The following ACIN1 variants were observed in gnomAD, a reference collection of about 807,000 sequenced individuals.
ACIN1 encodes apoptotic chromatin condensation inducer 1, also known as apoptotic chromatin condensation inducer in the nucleus.
Under a neutral mutation model 146.6 loss-of-function variants are expected in ACIN1, and 16 were observed. The observed-to-expected ratio is 0.11, with a 90% CI of 0.07 to 0.17. The LOEUF is 0.17. ACIN1 is among the 10% of genes least tolerant of loss of function. The pLI is 1.00. For missense variants in ACIN1, 1,357 were observed against 1,609.3 expected (o/e 0.84, Z 2.68); for synonymous variants, 569 against 582.7 (o/e 0.98, Z 0.34).
chr14:23,088,254 A>C (rs2048137968), intron 4 of ACIN1, among the ~76,000 whole-genome samples: 1 of 152,200 alleles, frequency 6.6e-6, no homozygotes, highest in African/African-American at 2.4e-5. Context: ...CGCAGGGAGC[A>C]AAGTGGATCA....
In ACIN1 at chr14:23,068,896, G is replaced by C. The variant is rs1673062396; in HGVS notation, c.2265+580C>G. 1.0e-6 allele frequency: 1 copy of C among 985,338 alleles called. No individual in the cohort carries two copies. The highest frequency in any genetic ancestry group is 1.7e-5 in the African/African-American group (1 of 57,244). The allele number at this position is 985,338 out of a possible 1,614,324, so 61.0% of individuals were successfully genotyped here. On this transcript the variant is annotated intron_variant, in intron 9 of 18. Coordinates refer to ENST00000605057, the MANE Select transcript of ACIN1 (RefSeq NM_001386863.1). This position sits in a 1 kb window ranked among gnomAD's most constrained non-coding sequence, Gnocchi z 4.3. Reference sequence around the variant, plus strand: ...GCTCTGATGGGGGAAGCCCCCTGAAGTGGGTGCAGGACACAAGATAACATA... The same window carrying C: ...GCTCTGATGGGGGAAGCCCCCTGAACTGGGTGCAGGACACAAGATAACATA...
rs1386581695 is a variant in ACIN1, at chr14:23,068,619, T to C, written c.2265+857A>G. 3.0e-6 allele frequency: 3 copies of C among 985,798 alleles called. No homozygotes were observed. The highest frequency in any genetic ancestry group is 3.6e-6 in the Non-Finnish European group (3 of 829,988). 61.1% of individuals were successfully genotyped at this position (985,798 alleles called of 1,614,324 possible). A position where few individuals can be genotyped will look rare whatever the true frequency, so the allele number is the denominator to read the frequency against. ...CCAGAGGAAGAGGCGGCATCAGCGA[T>C]TGGCCAGTTGGGCAGGGTTATATTT... On this transcript the variant is annotated intron_variant, in intron 9 of 18. Coordinates refer to ENST00000605057, the MANE Select transcript of ACIN1 (RefSeq NM_001386863.1). This position sits in a 1 kb window ranked among gnomAD's most constrained non-coding sequence, Gnocchi z 4.3.
At chr14:23,071,106 G>A (rs756101811) in intron 8 of ACIN1, 2 of 1,550,634 alleles carry the variant, frequency 1.3e-6, no homozygotes, top group Admixed American at 2.0e-5. Context: ...AGGCATACAT[G>A]GAAATGTGAA....
chr14:23,072,212 A>C (rs906551254), intron 8 of ACIN1, among the ~76,000 whole-genome samples: 2 of 152,138 alleles, frequency 1.3e-5, no homozygotes, highest in Non-Finnish European at 2.9e-5. Context: ...TTCTTTTTTC[A>C]AATACCAGTA....
At chr14:23,094,728 A>C in intron 1 of ACIN1, 1 of 694,272 alleles carries the variant, frequency 1.4e-6, no homozygotes, top group Non-Finnish European at 2.3e-6. Context: ...GAAGGAGCTT[A>C]AGACACTCCT....
chr14:23,068,925 C>T lies in ACIN1; in HGVS notation c.2265+551G>A. On this transcript the variant is annotated intron_variant, in intron 9 of 18. Transcript: ENST00000605057. The surrounding 1 kb of genome is among the most constrained non-coding windows in gnomAD (Gnocchi z 4.3). Reference sequence around the variant, plus strand: ...GTGCAGGACACAAGATAACATATGCCAAAAAAGGAGGTAGAGGGGTCACAG... The same window carrying T: ...GTGCAGGACACAAGATAACATATGCTAAAAAAGGAGGTAGAGGGGTCACAG... The T allele has an allele frequency of 1.0e-6, 1 of 985,334 alleles. No homozygotes were observed. The highest frequency in any genetic ancestry group is 4.7e-5 in the South Asian group (1 of 21,286). The allele number at this position is 985,334 out of a possible 1,614,324, so 61.0% of individuals were successfully genotyped here. A position where few individuals can be genotyped will look rare whatever the true frequency, so the allele number is the denominator to read the frequency against.
At chr14:23,080,907 C>G in intron 5 of ACIN1, 98 bp from the exon 6 acceptor site, 1 of 1,502,946 alleles carries the variant, frequency 6.7e-7, no homozygotes, top group Non-Finnish European at 8.8e-7. Flanking sequence ...AGGAGAAATT[C>G]AATGATATAT....
chr14:23,065,875 G>T, intron 10 of ACIN1, 91 bp downstream of exon 10: 2 of 1,210,642 alleles, frequency 1.7e-6, no homozygotes, highest in Non-Finnish European at 1.2e-6. Context: ...AGTGACCCAA[G>T]AATGCCATTG....
intron 8 of ACIN1, among the ~76,000 whole-genome samples, chr14:23,075,349 A>G (rs1009133492): frequency 5.3e-5 from 8 of 150,574 alleles, no homozygotes; most frequent in African/African-American, 2.0e-4. Context: ...TTTTAAGTAA[A>G]AAGAGAATAC....
chr14:23,061,692 G>A, intron 16 of ACIN1, 70 bp from the exon 17 acceptor site: 1 of 1,396,450 alleles, frequency 7.2e-7, no homozygotes, highest in Non-Finnish European at 9.5e-7. Flanking sequence ...GAGCCAGGAT[G>A]GCCGGGCGCG....
chr14:23,061,274 C>T (rs377362014), intron 17 of ACIN1, 24 bp downstream of exon 17: 85 of 1,613,326 alleles, frequency 5.3e-5, no homozygotes, highest in African/African-American at 2.5e-4. Context: ...AGTGGGTATG[C>T]GTACCCCATA....
At position 23,064,469 on chromosome 14, in the gene ACIN1, T is replaced by C. The variant is rs774324918; in HGVS notation, c.2328A>G (p.Pro776=). ...CCCCCTCTGTGTCACTGTTTCCAGCTGGCACCCCCTTGGTAGCTGCTGTCC... is the reference window on the plus strand; with the variant it reads ...CCCCCTCTGTGTCACTGTTTCCAGCCGGCACCCCCTTGGTAGCTGCTGTCC... ...ISVVSATKGV[P]AGNSDTEGGQ... is the part of the protein sequence containing the mutation. Residue 776 remains proline (P), a synonymous_variant, in exon 11 of 19, where the codon CCA becomes CCG. Coordinates refer to ENST00000605057, the MANE Select transcript of ACIN1 (RefSeq NM_001386863.1). 1 of 1,614,252 alleles carries C rather than the reference T, an allele frequency of 6.2e-7. No homozygotes were observed. The highest frequency in any genetic ancestry group is 1.7e-5 in the Admixed American group (1 of 60,022).
In ACIN1 at chr14:23,081,759, T is replaced by C; in HGVS notation, c.514A>G (p.Arg172Gly). The C allele has an allele frequency of 6.2e-7, 1 of 1,612,862 alleles. No individual in the cohort carries two copies. Among genetic ancestry groups the C allele is most frequent in the Non-Finnish European group, 8.5e-7 (1 of 1,179,744 alleles). ...GGTATCTGAGTTACCTGTCTGACCC[T>C]AGATGATCGTCTTTCTCCTTTCCTT... ...KPRKGERRSSRVRQARAAKLS... is the reference protein window; with the variant it reads ...KPRKGERRSSGVRQARAAKLS... Residue 172 changes from arginine (R) to glycine (G), a missense_variant, in exon 5 of 19, where the codon AGG (arginine) becomes GGG (glycine). Transcript: ENST00000605057.
At chr14:23,069,768 C>G (rs1395351524) in intron 8 of ACIN1, 151 bp from the exon 9 acceptor site, 13 of 700,834 alleles carry the variant, frequency 1.9e-5, no homozygotes, top group Non-Finnish European at 2.5e-5. Flanking sequence ...AGGTTAGAGA[C>G]CTTGTCCCAA....
At chr14:23,071,148 GA>G in intron 8 of ACIN1, 5 of 1,550,966 alleles carry the variant, frequency 3.2e-6, no homozygotes, top group Non-Finnish European at 4.4e-6. Context: ...CTGATAACAT[GA>G]TTTTTTTTCT....
intron 4 of ACIN1, among the ~76,000 whole-genome samples, chr14:23,085,992 G>C (rs1041562104): frequency 2.0e-5 from 3 of 152,242 alleles, no homozygotes; most frequent in African/African-American, 7.2e-5. Context: ...ATGTTTAAGG[G>C]TTATAGAGGA....
intron 8 of ACIN1, 35 bp from the exon 9 acceptor site, chr14:23,069,652 G>GGGGGGGGGGGGCC: frequency 1.7e-6 from 1 of 577,974 alleles, no homozygotes. Context: ...GGGGGGGCGG[G>GGGGGGGGGGGGCC]CAGAAAAGAA....
rs748879192 is a variant in ACIN1, at chr14:23,090,472, C to G, written c.316+50G>C. ...TTAGACAGGCCTATCTACTTGGTGA[C>G]AGGGATAAGAATGACGAACTCCTTG... On this transcript the variant is annotated intron_variant, in intron 3 of 18. Coordinates refer to ENST00000605057, the MANE Select transcript of ACIN1 (RefSeq NM_001386863.1). The G allele has an allele frequency of 8.0e-6, 12 of 1,506,954 alleles. No individual in the cohort carries two copies. In the South Asian group the frequency reaches 1.4e-4, roughly 17 times the overall value. 93.3% of individuals were successfully genotyped at this position (1,506,954 alleles called of 1,614,324 possible). A position where few individuals can be genotyped will look rare whatever the true frequency, so the allele number is the denominator to read the frequency against.
In ACIN1 at chr14:23,094,975, C is replaced by T; in HGVS notation, c.138G>A (p.Gly46=). The part of the protein sequence containing the change: ...QKSALVKRLK[G]ALMLENLQKH... The stretch of plus-strand genomic sequence containing the variant: ...CACCCCAGCAACGCCGACTCCTCAC[C>T]CCTTTGAGCCGCTTGACCAGGGCAC... The change falls in exon 1 of 19, where the codon GGG becomes GGA. Residue 46 remains glycine (G), a splice_region_variant and synonymous_variant. Coordinates refer to ENST00000605057, the MANE Select transcript of ACIN1 (RefSeq NM_001386863.1). The T allele has an allele frequency of 6.3e-7, 1 of 1,594,744 alleles. No homozygotes were observed. The highest frequency in any genetic ancestry group is 8.5e-7 in the Non-Finnish European group (1 of 1,174,662).
Sources: gnomAD v4.1 joint callset for allele counts (sites outside exome capture counted in the v4.1 genomes callset) on GRCh38, gnomAD v4.1.1 for gene constraint, Gnocchi (gnomAD v3.1) non-coding constraint, MANE v1.5 for transcripts, NCBI Gene and HGNC (gene_info 2026-07-23, HGNC 2026-07-21) for gene names.